The following DMXL1 variants were observed in gnomAD, a reference collection of about 807,000 sequenced individuals.
The protein encoded by DMXL1 is dmX-like protein 1.
A neutral mutation model predicts 319.2 loss-of-function variants in DMXL1; 99 were observed. The observed-to-expected ratio is 0.31, with a 90% CI of 0.26 to 0.37. DMXL1 has a LOEUF of 0.37. Ranked by LOEUF, DMXL1 falls within the 10% of genes least tolerant of loss-of-function variation. The pLI is 1.00. For synonymous variants in DMXL1, 1,385 were observed against 1,235.2 expected (o/e 1.12, Z -2.54); for missense variants, 3,745 against 3,595.6 (o/e 1.04, Z -1.06).
Position 119,114,056 on chromosome 5 carries a change from C to A in DMXL1, c.498-419C>A, listed in dbSNP as rs139878965. On this transcript the variant is annotated intron_variant, in intron 5 of 43. Coordinates refer to ENST00000539542, the MANE Select transcript of DMXL1 (RefSeq NM_001290321.3). ...GGCTGAATTCCTAATTGTTGCAAGT[C>A]CCCTGTTAACCCACACATAATCTTT... 1.1e-4 allele frequency among the ~76,000 whole-genome samples: 17 copies of A among 152,276 alleles called. No individual in the cohort carries two copies. The East Asian group carries it at 3.1e-3, about 28-fold the overall frequency.
intron 1 of DMXL1, among the ~76,000 whole-genome samples, chr5:119,083,944 A>G (rs1215302583): frequency 6.6e-6 from 1 of 152,166 alleles, no homozygotes; most frequent in East Asian, 1.9e-4. Flanking sequence ...CATTTTTGAG[A>G]ACATCTGCTA....
Position 119,170,988 on chromosome 5 carries a change from A to G in DMXL1, c.6197A>G (p.Glu2066Gly), listed in dbSNP as rs1400501911. 1.9e-6 allele frequency: 3 copies of G among 1,613,938 alleles called. No individual in the cohort carries two copies. In the Admixed American group the frequency reaches 5.0e-5, roughly 27 times the overall value. The part of the protein sequence containing the change: ...RYQLYHWLEK[E>G]VIALQRTCDF... ...CAACTATACCACTGGCTTGAAAAAGAGGTGATAGCTCTTCAGAGGACTTGT... is the reference window on the plus strand; with the variant it reads ...CAACTATACCACTGGCTTGAAAAAGGGGTGATAGCTCTTCAGAGGACTTGT... The change falls in exon 24 of 44, where the codon GAG becomes GGG. Residue 2066 changes from glutamate (E) to glycine (G), a missense_variant. By Grantham distance (98) the Glu-to-Gly change is moderately conservative. This residue lies in a region of DMXL1 where 1,382 missense variants were observed against 1,269.5 expected (regional missense o/e 1.09). Coordinates refer to ENST00000539542, the MANE Select transcript of DMXL1 (RefSeq NM_001290321.3).
intron 5 of DMXL1, among the ~76,000 whole-genome samples, chr5:119,112,052 C>G (rs1158808806): frequency 1.3e-5 from 2 of 152,194 alleles, no homozygotes; most frequent in East Asian, 1.9e-4. Context: ...GCTCCGCCTC[C>G]CGGGTTCATA....
chr5:119,204,134 A>G (rs1781338766), intron 33 of DMXL1, among the ~76,000 whole-genome samples: 1 of 151,504 alleles, frequency 6.6e-6, no homozygotes, highest in Non-Finnish European at 1.5e-5. Context: ...AAAAATTTTT[A>G]TTGTATTTAT....
chr5:119,145,178 T>G (rs997927523), intron 15 of DMXL1, among the ~76,000 whole-genome samples: 4 of 151,956 alleles, frequency 2.6e-5, no homozygotes, highest in African/African-American at 9.6e-5. Context: ...ATGGCATTCT[T>G]GAATATCACA....
intron 35 of DMXL1, among the ~76,000 whole-genome samples, chr5:119,218,233 C>A (rs1309797992): frequency 1.3e-5 from 2 of 151,978 alleles, no homozygotes; most frequent in Non-Finnish European, 2.9e-5. Context: ...TTATCTATAC[C>A]TGCATTACCT....
chr5:119,131,322 A>G (rs1293239316), intron 10 of DMXL1, among the ~76,000 whole-genome samples: 1 of 152,276 alleles, frequency 6.6e-6, no homozygotes, highest in East Asian at 1.9e-4. Context: ...AAGAATATAC[A>G]TATTTACCTG....
chr5:119,161,322 A>G (rs1406255435), intron 19 of DMXL1, among the ~76,000 whole-genome samples: 1 of 152,236 alleles, frequency 6.6e-6, no homozygotes, highest in African/African-American at 2.4e-5. Flanking sequence ...GGGCACTGCG[A>G]TAGCCTCTAA....
intron 4 of DMXL1, among the ~76,000 whole-genome samples, chr5:119,108,854 T>G (rs1758932409): frequency 6.6e-6 from 1 of 152,050 alleles, no homozygotes; most frequent in African/African-American, 2.4e-5. Flanking sequence ...CAGGCTGGAG[T>G]GCAATGGTGT....
chr5:119,227,277 A>C (rs1785767708), intron 38 of DMXL1, among the ~76,000 whole-genome samples: 1 of 152,110 alleles, frequency 6.6e-6, no homozygotes, highest in Non-Finnish European at 1.5e-5. Flanking sequence ...TAAAATGTTT[A>C]ATGTGTTTTC....
intron 42 of DMXL1, among the ~76,000 whole-genome samples, chr5:119,241,158 T>C (rs1400979793): frequency 1.3e-5 from 2 of 152,182 alleles, no homozygotes; most frequent in Non-Finnish European, 2.9e-5. Context: ...AAGAAAATGT[T>C]ATGAAAATCA....
chr5:119,123,021 A>C (rs1318698841), intron 9 of DMXL1, among the ~76,000 whole-genome samples: 1 of 152,168 alleles, frequency 6.6e-6, no homozygotes, highest in Non-Finnish European at 1.5e-5. Flanking sequence ...ACCATTGAGC[A>C]CTGAGTGAAC....
At chr5:119,235,536 G>A (rs1420687895) in intron 39 of DMXL1, among the ~76,000 whole-genome samples, 1 of 151,754 alleles carries the variant, frequency 6.6e-6, no homozygotes, top group Non-Finnish European at 1.5e-5. Flanking sequence ...AAAAAATGGA[G>A]GAAAAACAAT....
intron 2 of DMXL1, among the ~76,000 whole-genome samples, chr5:119,099,995 C>T (rs1276573144): frequency 1.3e-5 from 2 of 152,034 alleles, no homozygotes; most frequent in Non-Finnish European, 1.5e-5. Flanking sequence ...AGCAAGACCC[C>T]ATCTCTACAA....
chr5:119,164,660 G>T lies in DMXL1; in HGVS notation c.4856G>T (p.Arg1619Leu), dbSNP rs150395383. The T allele has an allele frequency of 1.3e-6, 2 of 1,596,408 alleles. No homozygotes were observed. The highest frequency in any genetic ancestry group is 1.7e-6 in the Non-Finnish European group (2 of 1,169,078). Residue 1619 changes from arginine to leucine, a missense_variant, in exon 20 of 44, where the codon CGC (arginine) becomes CTC (leucine). Coordinates refer to ENST00000539542, the MANE Select transcript of DMXL1 (RefSeq NM_001290321.3). ...GWWVRNTRIL[R>L]KCIEKVAKAA... ...TGGGTCCGGAATACCCGCATCTTAC[G>T]CAAATGCATAGAAAAAGTAAGTGTT...
intron 13 of DMXL1, among the ~76,000 whole-genome samples, chr5:119,139,406 G>T (rs1766774704): frequency 6.6e-6 from 1 of 152,140 alleles, no homozygotes; most frequent in Non-Finnish European, 1.5e-5. Context: ...ACACCCATAG[G>T]CTCAAAATAA....
At chr5:119,086,427 T>C (rs953214081) in intron 1 of DMXL1, among the ~76,000 whole-genome samples, 4 of 152,230 alleles carry the variant, frequency 2.6e-5, no homozygotes, top group Admixed American at 2.6e-4. Flanking sequence ...TCTTTTAATG[T>C]GTTGTTCAAT....
At chr5:119,097,514 A>C (rs924923601) in intron 1 of DMXL1, among the ~76,000 whole-genome samples, 1 of 151,968 alleles carries the variant, frequency 6.6e-6, no homozygotes, top group Non-Finnish European at 1.5e-5. Flanking sequence ...TCAGGAGATC[A>C]AGACCATCCT....
intron 29 of DMXL1, among the ~76,000 whole-genome samples, chr5:119,192,092 C>T (rs747657583): frequency 9.2e-5 from 14 of 151,840 alleles, no homozygotes; most frequent in Middle Eastern, 3.4e-3. Flanking sequence ...TTTCAAACTT[C>T]CTGCATCTCC....
Sources: allele counts gnomAD v4.1 joint callset (sites outside exome capture counted in the v4.1 genomes callset), GRCh38; gene constraint gnomAD v4.1.1; regional missense constraint gnomAD v4.1.1; transcripts MANE v1.5; gene names NCBI Gene and HGNC (gene_info 2026-07-23, HGNC 2026-07-21).